CAMK4: variants seen among roughly 807,000 people sequenced by gnomAD.
The protein encoded by CAMK4 is calcium/calmodulin dependent protein kinase IV.
Under a neutral mutation model 44.9 loss-of-function variants are expected in CAMK4, and 22 were observed. The observed-to-expected ratio is 0.49, with a 90% CI of 0.35 to 0.70. The LOEUF is 0.70. CAMK4 is among the 30% of genes least tolerant of loss of function. The pLI is 0.01. For synonymous variants in CAMK4, 218 were observed against 215.4 expected, an observed-to-expected ratio of 1.01 and a Z score of -0.11; for missense variants, 498 against 586.8, an observed-to-expected ratio of 0.85 and a Z score of 1.56.
rs530060398 is a variant in CAMK4 at position 111,327,210 on chromosome 5, C to T, written c.162-16814C>T. On this transcript the variant is annotated intron_variant, in intron 1 of 10. Transcript: ENST00000282356. ...TGTGTGATGTTCCCCTTCCTGTGTC[C>T]ATGTGTTCTCGTTGTTCAATTCCCA... 9.3e-5 allele frequency among the ~76,000 whole-genome samples: 14 copies of T among 151,054 alleles called. No individual in the cohort carries two copies. The East Asian group carries it at 2.6e-3, about 28-fold the overall frequency.
intron 7 of CAMK4, among the ~76,000 whole-genome samples, chr5:111,462,151 T>G (rs1414629432): frequency 6.6e-6 from 1 of 152,166 alleles, no homozygotes; most frequent in African/African-American, 2.4e-5. Context: ...TTTTTCCACT[T>G]GCAAGTCTAT....
At chr5:111,318,399 T>C (rs1011631694) in intron 1 of CAMK4, among the ~76,000 whole-genome samples, 2 of 152,188 alleles carry the variant, frequency 1.3e-5, no homozygotes, top group Admixed American at 1.3e-4. Context: ...CATTCAATAC[T>C]GTTTATAAAG....
At chr5:111,438,716 A>G (rs1281400554) in intron 5 of CAMK4, among the ~76,000 whole-genome samples, 11 of 152,226 alleles carry the variant, frequency 7.2e-5, no homozygotes, top group Admixed American at 7.2e-4. Context: ...AAGTGGAGTC[A>G]GAAAAATAAT....
intron 5 of CAMK4, among the ~76,000 whole-genome samples, chr5:111,424,647 C>A (rs1319126027): frequency 4.6e-5 from 7 of 151,564 alleles, no homozygotes; most frequent in Admixed American, 6.6e-5. Flanking sequence ...TGGGGTTTCA[C>A]CATGTTAGCC....
intron 5 of CAMK4, among the ~76,000 whole-genome samples, chr5:111,443,275 TATATACACACACACAC>T (rs1406510969): frequency 0.012 from 566 of 47,084 alleles, 6 homozygotes; most frequent in African/African-American, 0.05. Flanking sequence ...TATATATATA[TATATACACACACACAC>T]ACACACACAC....
At chr5:111,327,247 G>T (rs1383443470) in intron 1 of CAMK4, among the ~76,000 whole-genome samples, 3 of 151,620 alleles carry the variant, frequency 2.0e-5, no homozygotes, top group Non-Finnish European at 2.9e-5. Context: ...CTATGAGTGA[G>T]AACATGTGGT....
intron 1 of CAMK4, among the ~76,000 whole-genome samples, chr5:111,341,281 A>T (rs1749632641): frequency 6.6e-6 from 1 of 151,222 alleles, no homozygotes; most frequent in Admixed American, 6.6e-5. Context: ...CTAACTAAAG[A>T]TCACAATCCT....
intron 7 of CAMK4, among the ~76,000 whole-genome samples, chr5:111,468,900 C>G (rs1027594246): frequency 2.0e-5 from 3 of 151,770 alleles, no homozygotes; most frequent in African/African-American, 7.3e-5. Context: ...ATCGCTTGAA[C>G]CCAGGAGGCA....
chr5:111,436,560 C>G (rs962350890), intron 5 of CAMK4, among the ~76,000 whole-genome samples: 2 of 152,190 alleles, frequency 1.3e-5, no homozygotes, highest in African/African-American at 4.8e-5. Flanking sequence ...AATCCTAAAG[C>G]AACAAAGCAC....
chr5:111,420,859 AG>A (rs1234774268), intron 5 of CAMK4, among the ~76,000 whole-genome samples: 2 of 152,178 alleles, frequency 1.3e-5, no homozygotes, highest in African/African-American at 2.4e-5. Context: ...TCTTTTTTCA[AG>A]GTGCCCAGAT....
At chr5:111,329,588 T>C (rs928545018) in intron 1 of CAMK4, among the ~76,000 whole-genome samples, 2 of 151,834 alleles carry the variant, frequency 1.3e-5, no homozygotes, top group African/African-American at 4.8e-5. Flanking sequence ...AGTCCTTTTA[T>C]AATTATTAGC....
intron 4 of CAMK4, among the ~76,000 whole-genome samples, chr5:111,391,338 C>T (rs908179052): frequency 2.0e-4 from 30 of 152,072 alleles, no homozygotes; most frequent in Admixed American, 1.9e-3. Flanking sequence ...TGAACTATCA[C>T]TCTGTCAAAA....
chr5:111,477,307 A>T (rs1250038602), intron 8 of CAMK4, among the ~76,000 whole-genome samples: 3 of 152,254 alleles, frequency 2.0e-5, no homozygotes, highest in Non-Finnish European at 4.4e-5. Flanking sequence ...TTCTGTGAGT[A>T]AAAGGACATA....
intron 5 of CAMK4, among the ~76,000 whole-genome samples, chr5:111,399,789 C>G (rs575822525): frequency 1.3e-5 from 2 of 152,298 alleles, no homozygotes; most frequent in African/African-American, 4.8e-5. Context: ...AACTCACCTT[C>G]CTCGGTATGT....
chr5:111,487,234 T>C lies in CAMK4; in HGVS notation c.*2768T>C, dbSNP rs982945470. On this transcript the variant is annotated 3_prime_UTR_variant, in exon 11 of 11. Transcript: ENST00000282356. ...AATTCAAATTTCAGCAAACAATAAATTACATTTTACATTTTAGAGCTAACA... is the reference window on the plus strand; with the variant it reads ...AATTCAAATTTCAGCAAACAATAAACTACATTTTACATTTTAGAGCTAACA... The C allele has an allele frequency of 1.3e-5, 2 of 152,184 alleles. No individual in the cohort carries two copies. The highest frequency in any genetic ancestry group is 2.9e-5 in the Non-Finnish European group (2 of 68,028). The allele number at this position is 152,184 out of a possible 1,614,324, so 9.4% of individuals were successfully genotyped here. A position where few individuals can be genotyped will look rare whatever the true frequency, so the allele number is the denominator to read the frequency against.
chr5:111,440,892 G>A (rs369539040), intron 5 of CAMK4, among the ~76,000 whole-genome samples: 1 of 152,174 alleles, frequency 6.6e-6, no homozygotes, highest in East Asian at 1.9e-4. Context: ...ATGTGAAATA[G>A]CAAGGATAGA....
intron 7 of CAMK4, among the ~76,000 whole-genome samples, chr5:111,470,058 C>T (rs1755009403): frequency 6.6e-6 from 1 of 152,214 alleles, no homozygotes; most frequent in South Asian, 2.1e-4. Context: ...TATGCATGCT[C>T]AATATGTGTG....
In CAMK4 at chr5:111,338,411, GTCTGTTAAC is replaced by G. The variant is rs574226731; in HGVS notation, c.162-5606_162-5598del. Among the ~76,000 whole-genome samples the G allele has an allele frequency of 3.1e-4, 47 of 151,346 alleles. No homozygotes were observed. The East Asian group carries it at 6.8e-3, about 22-fold the overall frequency. On this transcript the variant is annotated intron_variant, in intron 1 of 10. Coordinates refer to ENST00000282356, the MANE Select transcript of CAMK4 (RefSeq NM_001744.6). ...TCCAATCCTCTGGTGGTTGTAGGTT[GTCTGTTAAC>G]TCTGTTGATACTTTACTTTATTTTG...
intron 2 of CAMK4, among the ~76,000 whole-genome samples, chr5:111,373,726 G>A (rs554229212): frequency 2.0e-5 from 3 of 152,230 alleles, no homozygotes; most frequent in African/African-American, 7.2e-5. Context: ...GTTTGGCTGT[G>A]AATTGCACAT....
Sources: gnomAD v4.1 joint callset for allele counts (sites outside exome capture counted in the v4.1 genomes callset) on GRCh38, gnomAD v4.1.1 for gene constraint, MANE v1.5 for transcripts, NCBI Gene and HGNC (gene_info 2026-07-23, HGNC 2026-07-21) for gene names.